Variants in WNT5B observed in about 807,000 individuals in gnomAD.
WNT5B encodes Wnt family member 5B.
Under a neutral mutation model 36.5 loss-of-function variants are expected in WNT5B, and 18 were observed. The ratio of observed to expected loss-of-function variants is 0.49; its 90% CI spans 0.34 to 0.73. The LOEUF (loss-of-function observed/expected upper bound fraction) is 0.73, where lower values mean the gene tolerates loss of function less well. WNT5B is among the 30% of genes least tolerant of loss of function. The pLI, the probability that WNT5B is intolerant of heterozygous loss-of-function variation, is 0.01. For missense variants in WNT5B, 424 were observed against 508.4 expected (o/e 0.83, Z 1.60); for synonymous variants, 213 against 212.3 (o/e 1.00, Z -0.03).
chr12:1,619,755 C>T (rs2094531348), intron 1 of WNT5B, among the ~76,000 whole-genome samples: 1 of 152,086 alleles, frequency 6.6e-6, no homozygotes, highest in Non-Finnish European at 1.5e-5. Flanking sequence ...TAGCGGCTGC[C>T]ATTCATGTGC....
In WNT5B at chr12:1,646,395, T is replaced by A. The variant is rs1298458235; in HGVS notation, c.*143T>A. ...AAAGATGAAAATGGAAAGGAAGAGC[T>A]TATTTAAGAGACGCTGGAGATCTCT... On this transcript the variant is annotated 3_prime_UTR_variant, in exon 5 of 5. Coordinates refer to ENST00000397196, the MANE Select transcript of WNT5B (RefSeq NM_032642.3). 2 of 717,096 alleles carry A rather than the reference T, an allele frequency of 2.8e-6. No individual in the cohort carries two copies. The highest frequency in any genetic ancestry group is 3.9e-6 in the Non-Finnish European group (2 of 512,450). The allele number at this position is 717,096 out of a possible 1,614,324, so 44.4% of individuals were successfully genotyped here.
At chr12:1,624,267 T>A (rs559918597), upstream of WNT5B, among the ~76,000 whole-genome samples, 86 of 148,750 alleles carry the variant, frequency 5.8e-4, 1 homozygote, top group African/African-American at 2.1e-3. Context: ...GCACCTGTAA[T>A]CCCAGCTACT....
At chr12:1,623,807 C>T (rs1257327601) in intron 1 of WNT5B, among the ~76,000 whole-genome samples, 1 of 152,148 alleles carries the variant, frequency 6.6e-6, no homozygotes, top group African/African-American at 2.4e-5. Flanking sequence ...TTGTCTTTTC[C>T]ATCCCAAAGT....
At chr12:1,623,887 C>G (rs1324990994) in intron 1 of WNT5B, among the ~76,000 whole-genome samples, 1 of 152,146 alleles carries the variant, frequency 6.6e-6, no homozygotes, top group African/African-American at 2.4e-5. Flanking sequence ...CTGGCCTGTT[C>G]TCAACCCACA....
At chr12:1,619,092 TCCTACCAAGCCCCCAGCC>T (rs1196952319) in intron 1 of WNT5B, among the ~76,000 whole-genome samples, 2 of 151,726 alleles carry the variant, frequency 1.3e-5, no homozygotes, top group African/African-American at 2.4e-5. Flanking sequence ...ATCTCATCAC[TCCTACCAAGCCCCCAGCC>T]CCTCCCACCA....
chr12:1,636,497 CTATATATATA>C (rs56095993), intron 3 of WNT5B, among the ~76,000 whole-genome samples: 7,670 of 80,820 alleles, frequency 0.095, 357 homozygotes, highest in South Asian at 0.11. Flanking sequence ...GTGTTGCAGT[CTATATATATA>C]TATATATATA....
chr12:1,617,886 C>T (rs944297762), intron 1 of WNT5B, among the ~76,000 whole-genome samples: 3 of 152,050 alleles, frequency 2.0e-5, no homozygotes, highest in Non-Finnish European at 2.9e-5. Flanking sequence ...TGCTTGTAAT[C>T]GCAGCACTTT....
At position 1,645,857 on chromosome 12, in the gene WNT5B, A is replaced by C; in HGVS notation, c.685A>C (p.Lys229Gln). Residue 229 changes from lysine to glutamine, a missense_variant, in exon 5 of 5, where the codon AAG becomes CAG. Coordinates refer to ENST00000397196, the MANE Select transcript of WNT5B (RefSeq NM_032642.3). ...CGGCGTCTCGGGGTCCTGCAGCCTC[A>C]AGACCTGCTGGCTGCAGCTGGCCGA... ...CHGVSGSCSL[K>Q]TCWLQLAEFR... The C allele has an allele frequency of 6.2e-7, 1 of 1,611,214 alleles. No individual in the cohort carries two copies. The highest frequency in any genetic ancestry group is 8.5e-7 in the Non-Finnish European group (1 of 1,178,858).
chr12:1,621,815 G>A (rs1231126959), intron 1 of WNT5B, among the ~76,000 whole-genome samples: 6 of 151,896 alleles, frequency 4.0e-5, no homozygotes, highest in Admixed American at 6.6e-5. Flanking sequence ...AAAGTGCTGG[G>A]ATTACAGATG....
At chr12:1,625,024 C>G (rs10773966), upstream of WNT5B, among the ~76,000 whole-genome samples, 60,338 of 151,680 alleles carry the variant, frequency 0.4, 12,846 homozygotes, top group Non-Finnish European at 0.48. Flanking sequence ...TGCTGCAGAG[C>G]AGAGGAGAAT....
chr12:1,643,770 TA>T (rs2094580205), intron 4 of WNT5B, among the ~76,000 whole-genome samples: 1 of 3,090 alleles, frequency 3.2e-4, no homozygotes, highest in African/African-American at 6.9e-3. Context: ...AAAAGGAGCC[TA>T]TATATATATA....
Position 1,646,305 on chromosome 12 carries a change from T to C in WNT5B, c.*53T>C. 7.1e-7 allele frequency: 1 copy of C among 1,413,012 alleles called. No individual in the cohort carries two copies. Among genetic ancestry groups the C allele is most frequent in the Non-Finnish European group, 9.4e-7 (1 of 1,065,612 alleles). 87.5% of individuals were successfully genotyped at this position (1,413,012 alleles called of 1,614,324 possible). A position where few individuals can be genotyped will look rare whatever the true frequency, so the allele number is the denominator to read the frequency against. ...GCACTCTGCCTCACAAAGGTCTATATTATATAAATCTATATAAATCTATTT... is the reference window on the plus strand; with the variant it reads ...GCACTCTGCCTCACAAAGGTCTATACTATATAAATCTATATAAATCTATTT... On this transcript the variant is annotated 3_prime_UTR_variant, in exon 5 of 5. Coordinates refer to ENST00000397196, the MANE Select transcript of WNT5B (RefSeq NM_032642.3).
In WNT5B at chr12:1,632,865, A is replaced by G. The variant is rs149560859; in HGVS notation, c.288A>G (p.Thr96=). 84 of 1,614,026 alleles carry G rather than the reference A, an allele frequency of 5.2e-5. No homozygotes were observed. The African/African-American group carries it at 1.0e-3, about 20-fold the overall frequency. ...GGCAGCGGCGGTGGAATTGCAGCAC[A>G]GCGGACAACGCATCTGTCTTTGGGA... ...QFRQRRWNCS[T]ADNASVFGRV... Residue 96 remains threonine (T), a synonymous_variant, in exon 3 of 5, where the codon ACA becomes ACG. Coordinates refer to ENST00000397196, the MANE Select transcript of WNT5B (RefSeq NM_032642.3). The surrounding 1 kb of genome is among the most constrained non-coding windows in gnomAD (Gnocchi z 5.8).
At chr12:1,626,371 C>T (rs764709807), upstream of WNT5B, among the ~76,000 whole-genome samples, 25 of 151,840 alleles carry the variant, frequency 1.6e-4, no homozygotes, top group Non-Finnish European at 2.9e-4. Context: ...TCAAGCAATT[C>T]TCCTGCCTCA....
At position 1,632,953 on chromosome 12, in the gene WNT5B, C is replaced by T. The variant is rs369812088; in HGVS notation, c.328+48C>T. 2.2e-5 allele frequency: 35 copies of T among 1,557,376 alleles called. No individual in the cohort carries two copies. The highest frequency in any genetic ancestry group is 1.1e-4 in the African/African-American group (8 of 73,832). On this transcript the variant is annotated intron_variant, in intron 3 of 4. Coordinates refer to ENST00000397196, the MANE Select transcript of WNT5B (RefSeq NM_032642.3). The surrounding 1 kb of genome is among the most constrained non-coding windows in gnomAD (Gnocchi z 5.8). ...CTCGGCCAAGGAACTGCACTCGTCT[C>T]GTTTGGGAGCAATTAAGCTCTCTCA...
Position 1,632,845 on chromosome 12 carries a change from C to T in WNT5B, c.268C>T (p.Arg90Trp), listed in dbSNP as rs371737181. 31 of 1,614,006 alleles carry T rather than the reference C, an allele frequency of 1.9e-5. No homozygotes were observed. The highest frequency in any genetic ancestry group is 5.0e-5 in the Admixed American group (3 of 60,006). ...GGAATGCCAGCACCAGTTCCGGCAG[C>T]GGCGGTGGAATTGCAGCACAGCGGA... ...IKECQHQFRQRRWNCSTADNA... is the reference protein window; with the variant it reads ...IKECQHQFRQWRWNCSTADNA... The change falls in exon 3 of 5, where the codon CGG (arginine) becomes TGG (tryptophan). Residue 90 changes from arginine to tryptophan, a missense_variant. Arg to Trp is a moderately radical substitution (Grantham distance 101). Transcript: ENST00000397196. This position sits in a 1 kb window ranked among gnomAD's most constrained non-coding sequence, Gnocchi z 5.8.
Position 1,633,014 on chromosome 12 carries a change from T to G in WNT5B, c.328+109T>G. On this transcript the variant is annotated intron_variant, in intron 3 of 4. Transcript: ENST00000397196. This position sits in a 1 kb window ranked among gnomAD's most constrained non-coding sequence, Gnocchi z 4.8. Reference sequence around the variant, plus strand: ...AGGGAGAGCCCAAAGGCAGCCTAAGTGGGCTCTCTCTAGGCTTGGCAGCAG... The same window carrying G: ...AGGGAGAGCCCAAAGGCAGCCTAAGGGGGCTCTCTCTAGGCTTGGCAGCAG... 1.4e-6 allele frequency: 2 copies of G among 1,475,638 alleles called. No individual in the cohort carries two copies. The highest frequency in any genetic ancestry group is 1.8e-6 in the Non-Finnish European group (2 of 1,107,352). 91.4% of individuals were successfully genotyped at this position (1,475,638 alleles called of 1,614,324 possible).
At chr12:1,639,605 C>T (rs1371185492) in intron 3 of WNT5B, 79 bp from the exon 4 acceptor site, 1 of 1,414,642 alleles carries the variant, frequency 7.1e-7, no homozygotes, top group Non-Finnish European at 9.2e-7. Flanking sequence ...CGTGCGGGTC[C>T]GTCGGGGGAG....
In WNT5B at chr12:1,632,972, T is replaced by A; in HGVS notation, c.328+67T>A. On this transcript the variant is annotated intron_variant, in intron 3 of 4. Coordinates refer to ENST00000397196, the MANE Select transcript of WNT5B (RefSeq NM_032642.3). This position sits in a 1 kb window ranked among gnomAD's most constrained non-coding sequence, Gnocchi z 5.8. ...TCGTCTCGTTTGGGAGCAATTAAGC[T>A]CTCTCAGGACTGGCACAGGGAGAGC... 6.5e-7 allele frequency: 1 copy of A among 1,543,982 alleles called. No individual in the cohort carries two copies. Among genetic ancestry groups the A allele is most frequent in the South Asian group, 1.2e-5 (1 of 81,008 alleles).
Sources: allele counts gnomAD v4.1 joint callset (sites outside exome capture counted in the v4.1 genomes callset), GRCh38; gene constraint gnomAD v4.1.1; non-coding constraint Gnocchi (gnomAD v3.1); transcripts MANE v1.5; gene names NCBI Gene and HGNC (gene_info 2026-07-23, HGNC 2026-07-21).